Variants in PCDHGA12 observed in about 807,000 individuals in gnomAD.
PCDHGA12 encodes protocadherin gamma subfamily A, 12, also known as protocadherin gamma-A12.
Under a neutral mutation model 61.1 loss-of-function variants are expected in PCDHGA12, and 43 were observed. That is an observed-to-expected ratio of 0.70 (90% CI 0.55 to 0.91). The LOEUF is 0.91. Among genes scored for constraint, PCDHGA12 ranks in the 40% least tolerant of loss-of-function variants. The pLI is 0.00. For missense variants in PCDHGA12, 1,236 were observed against 1,227.7 expected, an observed-to-expected ratio of 1.01 and a Z score of -0.10; for synonymous variants, 520 against 542.9, an observed-to-expected ratio of 0.96 and a Z score of 0.59.
chr5:141,431,607 A>G lies in PCDHGA12; in HGVS notation c.848A>G (p.Tyr283Cys). ...VNAEVRYSFR[Y>C]VDDKAAQVFK... is the part of the protein sequence containing the mutation. ...GCGGAAGTGAGGTATTCCTTCCGGT[A>G]TGTGGACGACAAGGCGGCCCAAGTT... is the stretch of plus-strand genomic sequence containing the variant. Residue 283 changes from tyrosine to cysteine, a missense_variant, in exon 1 of 4, where the codon TAT becomes TGT. Physicochemically the swap from Tyr to Cys is radical, Grantham distance 194. Transcript: ENST00000252085. The surrounding 1 kb of genome is among the most constrained non-coding windows in gnomAD (Gnocchi z 4.8). 6.2e-7 allele frequency: 1 copy of G among 1,614,230 alleles called. No individual in the cohort carries two copies. Among genetic ancestry groups the G allele is most frequent in the Non-Finnish European group, 8.5e-7 (1 of 1,180,040 alleles).
intron 1 of PCDHGA12, 115 bp from the exon 2 acceptor site, chr5:141,494,692 C>G: frequency 6.3e-7 from 1 of 1,581,934 alleles, no homozygotes; most frequent in South Asian, 1.1e-5. Context: ...CCTCTTAGTC[C>G]GTTTTCTTCT....
chr5:141,509,785 C>T (rs1445220885), intron 3 of PCDHGA12, among the ~76,000 whole-genome samples: 1 of 152,166 alleles, frequency 6.6e-6, no homozygotes, highest in African/African-American at 2.4e-5. Context: ...CCGAGATCAT[C>T]ATCTCCTCAG....
At chr5:141,480,871 C>T (rs1262582761) in intron 1 of PCDHGA12, among the ~76,000 whole-genome samples, 1 of 151,930 alleles carries the variant, frequency 6.6e-6, no homozygotes, top group Non-Finnish European at 1.5e-5. Context: ...ATGGTGAAAC[C>T]CCGTCTCTAC....
chr5:141,477,220 G>A lies in PCDHGA12; in HGVS notation c.2425-17587G>A. 24 of 1,614,190 alleles carry A rather than the reference G, an allele frequency of 1.5e-5. No individual in the cohort carries two copies. The highest frequency in any genetic ancestry group is 1.9e-5 in the Non-Finnish European group (23 of 1,180,040). ...CAGTACCCGAGGATGCCCCTCTGGG[G>A]ACTGTCATCGCTTTGCTCAGTGTGA... is the stretch of plus-strand genomic sequence containing the variant. On this transcript the variant is annotated intron_variant, in intron 1 of 3. Coordinates refer to ENST00000252085, the MANE Select transcript of PCDHGA12 (RefSeq NM_003735.3). The surrounding 1 kb of genome is among the most constrained non-coding windows in gnomAD (Gnocchi z 4.9).
Position 141,477,865 on chromosome 5 carries a change from T to A in PCDHGA12, c.2425-16942T>A, listed in dbSNP as rs1380570615. On this transcript the variant is annotated intron_variant, in intron 1 of 3. Transcript: ENST00000252085. This position sits in a 1 kb window ranked among gnomAD's most constrained non-coding sequence, Gnocchi z 4.9. ...GCTCGGTGGAGATGCTGCCTCGAGG[T>A]ACCTCAGCTGGCCACCTAGTGTCAC... 6.2e-7 allele frequency: 1 copy of A among 1,612,698 alleles called. No individual in the cohort carries two copies. Among genetic ancestry groups the A allele is most frequent in the Non-Finnish European group, 8.5e-7 (1 of 1,179,562 alleles).
intron 1 of PCDHGA12, chr5:141,440,430 G>A (rs965990102): frequency 6.6e-6 from 1 of 152,196 alleles, no homozygotes; most frequent in African/African-American, 2.4e-5. Flanking sequence ...CTGGGTGACA[G>A]AGCAAGGCGC....
Position 141,491,078 on chromosome 5 carries a change from C to G in PCDHGA12, c.2425-3729C>G, listed in dbSNP as rs1386717886. The G allele has an allele frequency of 5.6e-6, 9 of 1,614,194 alleles. No homozygotes were observed. Among genetic ancestry groups the G allele is most frequent in the East Asian group, 4.5e-5 (2 of 44,882 alleles). ...CTCTCCTACTCACTGTTGCCACAGTCCACAGCCCCAGGACTGTTCCTCGTG... is the reference window on the plus strand; with the variant it reads ...CTCTCCTACTCACTGTTGCCACAGTGCACAGCCCCAGGACTGTTCCTCGTG... On this transcript the variant is annotated intron_variant, in intron 1 of 3. Transcript: ENST00000252085. This position sits in a 1 kb window ranked among gnomAD's most constrained non-coding sequence, Gnocchi z 6.9.
rs561950316 is a variant in PCDHGA12 at position 141,433,069 on chromosome 5, C to T, written c.2310C>T (p.Phe770=). The change falls in exon 1 of 4, where the codon TTC becomes TTT. Residue 770 remains phenylalanine, a synonymous_variant. Transcript: ENST00000252085. The part of the protein sequence containing the change: ...TTDSRKSHLI[F]PQPNYADMLV... ...ACTCGCGGAAGAGTCACCTGATCTT[C>T]CCCCAGCCCAACTATGCAGACATGC... 4 of 1,614,080 alleles carry T rather than the reference C, an allele frequency of 2.5e-6. No individual in the cohort carries two copies. The highest frequency in any genetic ancestry group is 1.3e-5 in the African/African-American group (1 of 74,932).
In PCDHGA12 at chr5:141,487,365, G is replaced by A. The variant is rs1466536791; in HGVS notation, c.2425-7442G>A. On this transcript the variant is annotated intron_variant, in intron 1 of 3. Coordinates refer to ENST00000252085, the MANE Select transcript of PCDHGA12 (RefSeq NM_003735.3). This position sits in a 1 kb window ranked among gnomAD's most constrained non-coding sequence, Gnocchi z 5.0. ...GTCACATGCTTTCCTGCTGGCACCT[G>A]TGCCTGTCTCACCAGATCTCGAAGG... The A allele has an allele frequency of 1.2e-6, 2 of 1,614,068 alleles. No homozygotes were observed. Among genetic ancestry groups the A allele is most frequent in the South Asian group, 1.1e-5 (1 of 91,088 alleles).
intron 3 of PCDHGA12, among the ~76,000 whole-genome samples, chr5:141,509,420 G>A (rs1384424118): frequency 6.6e-6 from 1 of 152,128 alleles, no homozygotes; most frequent in East Asian, 1.9e-4. Context: ...GAGCCCCAAT[G>A]AGTCAAACTC....
rs868008554 is a variant in PCDHGA12, at chr5:141,431,417, C to T, written c.658C>T (p.Pro220Ser). 1 of 1,613,666 alleles carries T rather than the reference C, an allele frequency of 6.2e-7. No homozygotes were observed. Among genetic ancestry groups the T allele is most frequent in the South Asian group, 1.1e-5 (1 of 91,082 alleles). ...CCTTACGGCCTCCGACGGGGGCGAC[C>T]CGGTGCGCACAGGCACCGCGCGCAT... The part of the protein sequence containing the change: ...LVLTASDGGD[P>S]VRTGTARIRV... Residue 220 changes from proline to serine, a missense_variant, in exon 1 of 4, where the codon CCG (proline) becomes TCG (serine). Transcript: ENST00000252085. This position sits in a 1 kb window ranked among gnomAD's most constrained non-coding sequence, Gnocchi z 4.8.
Position 141,433,071 on chromosome 5 carries a change from C to T in PCDHGA12, c.2312C>T (p.Pro771Leu), listed in dbSNP as rs2097566106. Residue 771 changes from proline (P) to leucine (L), a missense_variant, in exon 1 of 4, where the codon CCC becomes CTC. Pro to Leu is a moderately conservative substitution (Grantham distance 98). Transcript: ENST00000252085. ...TDSRKSHLIF[P>L]QPNYADMLVS... ...TCGCGGAAGAGTCACCTGATCTTCC[C>T]CCAGCCCAACTATGCAGACATGCTC... 2.5e-6 allele frequency: 4 copies of T among 1,614,154 alleles called. No homozygotes were observed. The East Asian group carries it at 8.9e-5, about 36-fold the overall frequency.
chr5:141,460,995 A>ATG lies in PCDHGA12; in HGVS notation c.2424+27816_2424+27817dup, dbSNP rs1561986931. Among the ~76,000 whole-genome samples the ATG allele has an allele frequency of 5.3e-5, 8 of 150,188 alleles. No homozygotes were observed. The East Asian group carries it at 1.4e-3, about 26-fold the overall frequency. On this transcript the variant is annotated intron_variant, in intron 1 of 3. Transcript: ENST00000252085. ...TGTGTGTGTGTGTGTATATATATAT[A>ATG]TGTGTATATATATATACCACATTTT...
chr5:141,478,323 G>A, intron 1 of PCDHGA12: 2 of 1,613,958 alleles, frequency 1.2e-6, no homozygotes, highest in Non-Finnish European at 8.5e-7. Flanking sequence ...TCACTGTACC[G>A]AACACCAGGG....
chr5:141,473,147 T>A (rs2099315103), intron 1 of PCDHGA12, among the ~76,000 whole-genome samples: 1 of 152,222 alleles, frequency 6.6e-6, no homozygotes, highest in Admixed American at 6.5e-5. Flanking sequence ...TCTCTTCAGA[T>A]CACTAGGGCT....
intron 1 of PCDHGA12, among the ~76,000 whole-genome samples, chr5:141,474,588 A>G (rs2099351676): frequency 6.6e-6 from 1 of 152,258 alleles, no homozygotes; most frequent in Non-Finnish European, 1.5e-5. Context: ...TGTTAAAGAC[A>G]TGGAAATATA....
chr5:141,443,093 C>G (rs1316602934), intron 1 of PCDHGA12, among the ~76,000 whole-genome samples: 2 of 151,940 alleles, frequency 1.3e-5, no homozygotes, highest in African/African-American at 4.8e-5. Flanking sequence ...CAGTCTCCTT[C>G]TCAAGCTGAA....
At chr5:141,500,215 T>G (rs888740312) in intron 2 of PCDHGA12, among the ~76,000 whole-genome samples, 8 of 150,660 alleles carry the variant, frequency 5.3e-5, no homozygotes, top group African/African-American at 1.9e-4. Context: ...TTTATTTATT[T>G]ATTTATTTAT....
In PCDHGA12 at chr5:141,486,474, C is replaced by T. The variant is rs1594589698; in HGVS notation, c.2425-8333C>T. On this transcript the variant is annotated intron_variant, in intron 1 of 3. Transcript: ENST00000252085. This position sits in a 1 kb window ranked among gnomAD's most constrained non-coding sequence, Gnocchi z 5.0. ...ACTGCTTCTGATGCTGGGAACCCTCCTCTCAGTACCCACAGAACTATTTTC... is the reference window on the plus strand; with the variant it reads ...ACTGCTTCTGATGCTGGGAACCCTCTTCTCAGTACCCACAGAACTATTTTC... 1 of 1,614,016 alleles carries T rather than the reference C, an allele frequency of 6.2e-7. No homozygotes were observed. Among genetic ancestry groups the T allele is most frequent in the South Asian group, 1.1e-5 (1 of 91,082 alleles).
Sources: gnomAD v4.1 joint callset for allele counts (sites outside exome capture counted in the v4.1 genomes callset) on GRCh38, gnomAD v4.1.1 for gene constraint, Gnocchi (gnomAD v3.1) non-coding constraint, MANE v1.5 for transcripts, NCBI Gene and HGNC (gene_info 2026-07-23, HGNC 2026-07-21) for gene names.